Variants in KLHL29 observed in about 807,000 individuals in gnomAD.
KLHL29 encodes kelch like family member 29.
In KLHL29, 21 loss-of-function variants were observed where a neutral mutation model predicts 80.4. The observed-to-expected ratio is 0.26, with a 90% confidence interval of 0.19 to 0.38. The LOEUF (loss-of-function observed/expected upper bound fraction) is 0.38, where lower values mean the gene tolerates loss of function less well. Among genes scored for constraint, KLHL29 ranks in the 10% least tolerant of loss-of-function variants. The pLI, the probability that KLHL29 is intolerant of heterozygous loss-of-function variation, is 1.00. For synonymous variants in KLHL29, 511 were observed against 526.8 expected (o/e 0.97, Z 0.41); for missense variants, 867 against 1,223.9 (o/e 0.71, Z 4.35).
intron 6 of KLHL29, chr2:23,689,058 TGTGTGGATGAGAACC>T (rs1671416008): frequency 6.6e-6 from 1 of 152,596 alleles, no homozygotes; most frequent in Non-Finnish European, 1.5e-5. Context: ...CACGAAGGCC[TGTGTGGATGAGAACC>T]GTGTGTGTTG....
chr2:23,645,608 C>A (rs1478704507), intron 5 of KLHL29, among the ~76,000 whole-genome samples: 4 of 152,216 alleles, frequency 2.6e-5, no homozygotes, highest in Non-Finnish European at 5.9e-5. Context: ...CCTGGCCTCT[C>A]CCGGGGTTGA....
At chr2:23,393,805 G>A (rs533585770) in intron 1 of KLHL29, among the ~76,000 whole-genome samples, 71 of 152,316 alleles carry the variant, frequency 4.7e-4, no homozygotes, top group African/African-American at 1.7e-3. Context: ...CCTGGGATCT[G>A]GACCACACAG....
At chr2:23,651,874 T>C (rs747209175) in intron 5 of KLHL29, among the ~76,000 whole-genome samples, 6 of 152,168 alleles carry the variant, frequency 3.9e-5, no homozygotes, top group Non-Finnish European at 8.8e-5. Context: ...TCTCTTCCTC[T>C]TCTTAGAAGG....
At chr2:23,481,815 G>T (rs1354171631) in intron 2 of KLHL29, among the ~76,000 whole-genome samples, 1 of 152,200 alleles carries the variant, frequency 6.6e-6, no homozygotes, top group Non-Finnish European at 1.5e-5. Context: ...TGTTCGGGAG[G>T]CTGAGGCAGG....
intron 1 of KLHL29, among the ~76,000 whole-genome samples, chr2:23,437,978 T>G (rs1663395261): frequency 6.6e-6 from 1 of 152,100 alleles, no homozygotes; most frequent in African/African-American, 2.4e-5. Context: ...TATCCTCTTT[T>G]ATTTCATTGA....
chr2:23,467,568 AT>A (rs1664385688), intron 1 of KLHL29, among the ~76,000 whole-genome samples: 2 of 152,216 alleles, frequency 1.3e-5, no homozygotes, highest in Admixed American at 1.3e-4. Context: ...TTCAAATAAA[AT>A]AGCTTTTTTA....
At chr2:23,479,128 C>T (rs187921263) in intron 2 of KLHL29, among the ~76,000 whole-genome samples, 13 of 151,718 alleles carry the variant, frequency 8.6e-5, no homozygotes, top group African/African-American at 2.4e-4. Context: ...ACTCTGCTGC[C>T]CCCTTGTCTT....
chr2:23,671,064 AT>A (rs1670735761), intron 5 of KLHL29, among the ~76,000 whole-genome samples: 1 of 13,216 alleles, frequency 7.6e-5, no homozygotes, highest in Non-Finnish European at 6.5e-4. Flanking sequence ...TCCTCCCTGG[AT>A]GGGATTCGCA....
At chr2:23,604,975 G>T (rs1443306106) in intron 3 of KLHL29, among the ~76,000 whole-genome samples, 1 of 152,168 alleles carries the variant, frequency 6.6e-6, no homozygotes. Flanking sequence ...TGTTGGGAGG[G>T]TCCGCTGAGC....
chr2:23,472,339 G>A (rs1233845560), intron 1 of KLHL29, among the ~76,000 whole-genome samples: 1 of 152,136 alleles, frequency 6.6e-6, no homozygotes, highest in Admixed American at 6.6e-5. Context: ...AGATGGTGAT[G>A]CTGAGATGGA....
At position 23,671,065 on chromosome 2, in the gene KLHL29, TGGGA is replaced by T. The variant is rs1670736078; in HGVS notation, c.941-13333_941-13330del. 3.0e-4 allele frequency among the ~76,000 whole-genome samples: 4 copies of T among 13,330 alleles called. 1 individual carries two copies. The highest frequency in any genetic ancestry group is 0.026 in the South Asian group (2 of 78). 8.7% of individuals were successfully genotyped at this position (13,330 alleles called of 152,430 possible). On this transcript the variant is annotated intron_variant, in intron 5 of 13. Coordinates refer to ENST00000486442, the MANE Select transcript of KLHL29 (RefSeq NM_052920.2). ...CTCCCAGCTGTGACTCCTCCCTGGA[TGGGA>T]TTCGCAGTGTTCTGAGCTGTCATTA... is the stretch of plus-strand genomic sequence containing the variant.
chr2:23,521,640 A>C (rs1202146340), intron 2 of KLHL29, among the ~76,000 whole-genome samples: 4 of 152,228 alleles, frequency 2.6e-5, no homozygotes, highest in Non-Finnish European at 4.4e-5. Context: ...AGCACTTTGC[A>C]GGCAGGCAGC....
At chr2:23,532,505 G>C in intron 2 of KLHL29, 1 of 451,756 alleles carries the variant, frequency 2.2e-6, no homozygotes. Context: ...GGAGCTTTGT[G>C]GGATGTGCAT....
At chr2:23,618,478 G>A (rs1378700608) in intron 3 of KLHL29, among the ~76,000 whole-genome samples, 1 of 152,160 alleles carries the variant, frequency 6.6e-6, no homozygotes, top group East Asian at 1.9e-4. Context: ...TGACCCTGCT[G>A]TAAGTAAGAG....
chr2:23,418,635 G>A (rs1313971102), intron 1 of KLHL29, among the ~76,000 whole-genome samples: 1 of 152,162 alleles, frequency 6.6e-6, no homozygotes, highest in Non-Finnish European at 1.5e-5. Flanking sequence ...CAGTAACCGG[G>A]GGAGGGTAGT....
chr2:23,594,835 G>A (rs1668357045), intron 3 of KLHL29, among the ~76,000 whole-genome samples: 1 of 152,098 alleles, frequency 6.6e-6, no homozygotes, highest in African/African-American at 2.4e-5. Flanking sequence ...TACCAAATGG[G>A]TTTTAATTTT....
chr2:23,564,664 T>C lies in KLHL29; in HGVS notation c.285+2183T>C, dbSNP rs369184520. ...ACCCAGAGGCCTGTCCCCTAGCCTA[T>C]GTGTCTGACCCCGTGCCAAGACCAC... On this transcript the variant is annotated intron_variant, in intron 3 of 13. Coordinates refer to ENST00000486442, the MANE Select transcript of KLHL29 (RefSeq NM_052920.2). Among the ~76,000 whole-genome samples the C allele has an allele frequency of 3.1e-4, 47 of 152,306 alleles. No homozygotes were observed. The East Asian group carries it at 7.7e-3, about 25-fold the overall frequency.
intron 1 of KLHL29, among the ~76,000 whole-genome samples, chr2:23,412,018 G>C (rs1666871551): frequency 6.6e-6 from 1 of 152,004 alleles, no homozygotes; most frequent in Non-Finnish European, 1.5e-5. Flanking sequence ...GAGCATTTGG[G>C]GCAGAAGAAA....
At chr2:23,401,284 G>C (rs980075758) in intron 1 of KLHL29, among the ~76,000 whole-genome samples, 2 of 152,150 alleles carry the variant, frequency 1.3e-5, no homozygotes, top group African/African-American at 4.8e-5. Flanking sequence ...CCCTCCAAGA[G>C]AAAAAGTATT....
Sources: gnomAD v4.1 joint callset for allele counts (sites outside exome capture counted in the v4.1 genomes callset) on GRCh38, gnomAD v4.1.1 for gene constraint, MANE v1.5 for transcripts, NCBI Gene and HGNC (gene_info 2026-07-23, HGNC 2026-07-21) for gene names.